Variants in ARHGAP40 observed in about 807,000 individuals in gnomAD.
ARHGAP40 encodes the protein Rho GTPase activating protein 40.
ARHGAP40 carries 43 observed loss-of-function variants against 73.5 expected under a neutral mutation model. The ratio of observed to expected loss-of-function variants is 0.58; its 90% CI spans 0.46 to 0.75. ARHGAP40 has a LOEUF of 0.75. Among genes scored for constraint, ARHGAP40 ranks in the 30% least tolerant of loss-of-function variants. The pLI is 0.00. For missense variants in ARHGAP40, 734 were observed against 861.8 expected, an observed-to-expected ratio of 0.85 and a Z score of 1.86; for synonymous variants, 300 against 352.8, an observed-to-expected ratio of 0.85 and a Z score of 1.68.
intron 1 of ARHGAP40, among the ~76,000 whole-genome samples, chr20:38,619,592 C>T (rs1390157343): frequency 6.8e-6 from 1 of 147,858 alleles, no homozygotes; most frequent in East Asian, 2.0e-4. Context: ...ATTCAGATTA[C>T]TTCATTTACA....
rs554152885 is a variant in ARHGAP40, at chr20:38,624,115, G to C, written c.337+557G>C. On this transcript the variant is annotated intron_variant, in intron 2 of 14. Transcript: ENST00000373345. ...GAGTGGGCTCAGCTAGGTGGTTCTTGCTCAGGGCCTCTCATGCAGTTACAA... is the reference window on the plus strand; with the variant it reads ...GAGTGGGCTCAGCTAGGTGGTTCTTCCTCAGGGCCTCTCATGCAGTTACAA... 3.3e-5 allele frequency among the ~76,000 whole-genome samples: 5 copies of C among 152,260 alleles called. No homozygotes were observed. The South Asian group carries it at 1.0e-3, about 32-fold the overall frequency.
At chr20:38,620,245 T>C (rs1038271351) in intron 1 of ARHGAP40, among the ~76,000 whole-genome samples, 2 of 152,202 alleles carry the variant, frequency 1.3e-5, no homozygotes, top group African/African-American at 4.8e-5. Context: ...AAACATCAGC[T>C]ATATTTGTGA....
chr20:38,640,422 A>G (rs936715509), intron 9 of ARHGAP40, among the ~76,000 whole-genome samples: 7 of 151,696 alleles, frequency 4.6e-5, no homozygotes, highest in Non-Finnish European at 8.8e-5. Flanking sequence ...GGGTCTCGCT[A>G]TGTCGCCCAG....
exon 13 of ARHGAP40, chr20:38,647,106 C>T (rs754717326): frequency 1.5e-6 from 2 of 1,304,928 alleles, no homozygotes; most frequent in South Asian, 2.5e-5. Flanking sequence ...ACAGTGAGGA[C>T]ATGGACAGCC....
chr20:38,618,071 C>A (rs1824784254), intron 1 of ARHGAP40, among the ~76,000 whole-genome samples: 1 of 151,802 alleles, frequency 6.6e-6, no homozygotes, highest in South Asian at 2.1e-4. Flanking sequence ...AAATTCAGAC[C>A]CAGTTGACAC....
At chr20:38,613,187 G>A (rs13038820) in intron 1 of ARHGAP40, among the ~76,000 whole-genome samples, 15,507 of 152,178 alleles carry the variant, frequency 0.1, 1,100 homozygotes, top group Non-Finnish European at 0.16. Context: ...GGGACGTGGT[G>A]GGGGGATGCA....
chr20:38,610,240 C>G (rs527380727), intron 1 of ARHGAP40, among the ~76,000 whole-genome samples: 3 of 151,884 alleles, frequency 2.0e-5, no homozygotes, highest in East Asian at 3.9e-4. Context: ...AAGCTCCCCC[C>G]ACTGTGCCAC....
At chr20:38,603,349 C>G (rs1469689919) in intron 1 of ARHGAP40, among the ~76,000 whole-genome samples, 1 of 152,228 alleles carries the variant, frequency 6.6e-6, no homozygotes. Flanking sequence ...AAAAATTACT[C>G]AGGATAGGAT....
exon 11 of ARHGAP40, chr20:38,643,830 A>C (rs1342050640): frequency 7.7e-7 from 1 of 1,305,364 alleles, no homozygotes; most frequent in Non-Finnish European, 1.0e-6. Context: ...CAAGCTCCCC[A>C]AAGGCAAGGA....
Position 38,639,396 on chromosome 20 carries a change from C to G in ARHGAP40, c.1279+10C>G. Reference sequence around the variant, plus strand: ...TTCGCCGTGGTGCCTAGTGAGTGTGCCCAAGCCCTTAGCCTGTGCAGGGAT... The same window carrying G: ...TTCGCCGTGGTGCCTAGTGAGTGTGGCCAAGCCCTTAGCCTGTGCAGGGAT... On this transcript the variant is annotated intron_variant, in intron 9 of 14. Transcript: ENST00000373345. The G allele has an allele frequency of 7.7e-7, 1 of 1,305,210 alleles. No individual in the cohort carries two copies. The highest frequency in any genetic ancestry group is 1.2e-5 in the South Asian group (1 of 81,016). 80.9% of individuals were successfully genotyped at this position (1,305,210 alleles called of 1,614,324 possible).
At chr20:38,633,030 G>A (rs549110999) in intron 5 of ARHGAP40, among the ~76,000 whole-genome samples, 4 of 152,104 alleles carry the variant, frequency 2.6e-5, no homozygotes, top group Non-Finnish European at 5.9e-5. Context: ...GGCTGAGGCA[G>A]GAGAATTGCT....
intron 6 of ARHGAP40, 60 bp from the exon 7 acceptor site, chr20:38,637,648 T>C: frequency 8.1e-7 from 1 of 1,238,858 alleles, no homozygotes; most frequent in South Asian, 1.3e-5. Context: ...ATCCTGTAGG[T>C]CGGAGCCCAG....
chr20:38,642,407 C>T (rs1332553806), intron 10 of ARHGAP40, among the ~76,000 whole-genome samples: 1 of 152,138 alleles, frequency 6.6e-6, no homozygotes. Context: ...GAGGAGGCCC[C>T]GGGTCTTCCT....
chr20:38,606,330 T>C (rs1462743996), intron 1 of ARHGAP40, among the ~76,000 whole-genome samples: 1 of 152,238 alleles, frequency 6.6e-6, no homozygotes, highest in African/African-American at 2.4e-5. Flanking sequence ...GTACTTATGA[T>C]ACATTTTCAG....
intron 4 of ARHGAP40, among the ~76,000 whole-genome samples, chr20:38,629,225 C>T (rs2088922160): frequency 6.6e-6 from 1 of 152,208 alleles, no homozygotes; most frequent in Non-Finnish European, 1.5e-5. Flanking sequence ...GGAAAATTCT[C>T]TTCCTGGGCA....
At chr20:38,625,803 G>C (rs530771581) in intron 2 of ARHGAP40, among the ~76,000 whole-genome samples, 5 of 152,338 alleles carry the variant, frequency 3.3e-5, no homozygotes, top group African/African-American at 1.2e-4. Flanking sequence ...CTCATGGCAG[G>C]TGATGTTGGA....
At chr20:38,636,698 A>G (rs1436492239) in intron 6 of ARHGAP40, among the ~76,000 whole-genome samples, 1 of 152,174 alleles carries the variant, frequency 6.6e-6, no homozygotes, top group African/African-American at 2.4e-5. Context: ...ACTGCTGTAT[A>G]TATGCTTTTG....
At chr20:38,634,428 G>A (rs2088960355) in intron 5 of ARHGAP40, among the ~76,000 whole-genome samples, 192 bp from the exon 6 acceptor site, 1 of 152,196 alleles carries the variant, frequency 6.6e-6, no homozygotes, top group East Asian at 1.9e-4. Context: ...GAGAATCAGA[G>A]CCTCAGAATG....
At chr20:38,629,033 G>A in intron 4 of ARHGAP40, 31 bp downstream of exon 4, 1 of 1,287,856 alleles carries the variant, frequency 7.8e-7, no homozygotes, top group African/African-American at 1.5e-5. Flanking sequence ...AGGGCCCTGA[G>A]AATCCTCCAG....
Sources: gnomAD v4.1 joint callset for allele counts (sites outside exome capture counted in the v4.1 genomes callset) on GRCh38, gnomAD v4.1.1 for gene constraint, MANE v1.5 for transcripts, NCBI Gene and HGNC (gene_info 2026-07-23, HGNC 2026-07-21) for gene names.